SRBD1: variants seen among roughly 807,000 people sequenced by gnomAD.
SRBD1 encodes the protein S1 RNA binding domain 1.
In SRBD1, 88 loss-of-function variants were observed where a neutral mutation model predicts 115.3. The observed-to-expected ratio is 0.76, with a 90% CI of 0.64 to 0.91. The LOEUF (loss-of-function observed/expected upper bound fraction) is 0.91. Ranked by LOEUF, SRBD1 falls within the 40% of genes least tolerant of loss-of-function variation. The pLI is 0.00. For synonymous variants in SRBD1, 509 were observed against 407.7 expected (o/e 1.25, Z -2.99); for missense variants, 1,385 against 1,177.4 (o/e 1.18, Z -2.58).
chr2:45,470,615 A>T (rs956557954), intron 16 of SRBD1, among the ~76,000 whole-genome samples: 20 of 152,192 alleles, frequency 1.3e-4, no homozygotes, highest in African/African-American at 4.8e-4. Flanking sequence ...AGTAAATCCA[A>T]TGTATTTAAG....
intron 16 of SRBD1, among the ~76,000 whole-genome samples, chr2:45,473,820 T>G (rs1669723709): frequency 6.6e-6 from 1 of 152,216 alleles, no homozygotes; most frequent in Admixed American, 6.5e-5. Flanking sequence ...ATTCATAAGG[T>G]GTTTTCAGAA....
chr2:45,589,423 C>T (rs944667320), intron 4 of SRBD1, among the ~76,000 whole-genome samples: 1 of 152,156 alleles, frequency 6.6e-6, no homozygotes, highest in Non-Finnish European at 1.5e-5. Flanking sequence ...GAAGGAATAG[C>T]ATTTTGATTG....
chr2:45,599,818 A>G lies in SRBD1; in HGVS notation c.279T>C (p.Ile93=). 6.2e-7 allele frequency: 1 copy of G among 1,612,828 alleles called. No individual in the cohort carries two copies. The highest frequency in any genetic ancestry group is 2.2e-5 in the East Asian group (1 of 44,892). The part of the protein sequence containing the change: ...VKEELNSSVA[I]ADTALEDRKN... ...TTCTGTCTTCTAAAGCAGTATCAGC[A>G]ATAGCCACAGAGCTATTCTATCAAA... The change falls in exon 4 of 21, where the codon ATT becomes ATC. Residue 93 remains isoleucine (I), a synonymous_variant. Coordinates refer to ENST00000263736, the MANE Select transcript of SRBD1 (RefSeq NM_018079.5).
intron 7 of SRBD1, among the ~76,000 whole-genome samples, chr2:45,577,061 G>A (rs950675997): frequency 5.3e-5 from 8 of 152,006 alleles, no homozygotes; most frequent in African/African-American, 1.9e-4. Context: ...AGTACTTCAC[G>A]GAGTGTCCCA....
intron 19 of SRBD1, among the ~76,000 whole-genome samples, chr2:45,399,259 C>T (rs547025040): frequency 6.6e-6 from 1 of 152,262 alleles, no homozygotes; most frequent in South Asian, 2.1e-4. Flanking sequence ...AAAGCATACT[C>T]AGCTTTATTC....
At chr2:45,469,743 G>T (rs1451426756) in intron 16 of SRBD1, among the ~76,000 whole-genome samples, 2 of 152,154 alleles carry the variant, frequency 1.3e-5, no homozygotes, top group Non-Finnish European at 2.9e-5. Context: ...CCTAGTCAAG[G>T]TCAATTACTT....
chr2:45,481,947 G>C (rs1295563638), intron 15 of SRBD1, among the ~76,000 whole-genome samples: 1 of 152,144 alleles, frequency 6.6e-6, no homozygotes, highest in Non-Finnish European at 1.5e-5. Flanking sequence ...ATGTTTGCCA[G>C]GAGTTTGGGT....
chr2:45,471,708 T>C (rs562481781), intron 16 of SRBD1, among the ~76,000 whole-genome samples: 10 of 152,234 alleles, frequency 6.6e-5, no homozygotes, highest in African/African-American at 1.9e-4. Flanking sequence ...AATTGTTAGG[T>C]TGAAATAATA....
intron 14 of SRBD1, among the ~76,000 whole-genome samples, chr2:45,500,287 G>A (rs1222842462): frequency 6.6e-6 from 1 of 151,378 alleles, no homozygotes; most frequent in African/African-American, 2.4e-5. Context: ...CTCTGTGTGT[G>A]TGTGTGTGTG....
chr2:45,437,227 T>C (rs1200829269), intron 16 of SRBD1, among the ~76,000 whole-genome samples: 2 of 151,962 alleles, frequency 1.3e-5, no homozygotes, highest in African/African-American at 4.8e-5. Flanking sequence ...CTAAAGTTTA[T>C]ATAGAGAGCT....
intron 15 of SRBD1, among the ~76,000 whole-genome samples, chr2:45,480,391 G>C (rs910215212): frequency 3.9e-5 from 6 of 152,132 alleles, no homozygotes; most frequent in Non-Finnish European, 7.4e-5. Flanking sequence ...TGGGAGGAGG[G>C]CAAATGTCAA....
At chr2:45,482,535 GTACAGTA>G (rs1171428776) in intron 15 of SRBD1, among the ~76,000 whole-genome samples, 4 of 151,112 alleles carry the variant, frequency 2.6e-5, no homozygotes, top group African/African-American at 9.7e-5. Flanking sequence ...GAGATTTTAC[GTACAGTA>G]TGGTGAAATT....
intron 12 of SRBD1, among the ~76,000 whole-genome samples, chr2:45,548,039 T>C (rs983250952): frequency 6.6e-6 from 1 of 151,850 alleles, no homozygotes; most frequent in Non-Finnish European, 1.5e-5. Flanking sequence ...TATATTGCAT[T>C]ATAAAGAAAA....
At chr2:45,593,767 C>G (rs1419362170) in intron 4 of SRBD1, among the ~76,000 whole-genome samples, 2 of 152,196 alleles carry the variant, frequency 1.3e-5, no homozygotes, top group African/African-American at 2.4e-5. Context: ...TCTCCTTACC[C>G]TTACCTAGTT....
chr2:45,500,195 G>A (rs1161211156), intron 14 of SRBD1, among the ~76,000 whole-genome samples: 1 of 149,452 alleles, frequency 6.7e-6, no homozygotes, highest in African/African-American at 2.5e-5. Context: ...GTTTTCTTTG[G>A]AAAAATCTTT....
chr2:45,572,706 T>C (rs1003273065), intron 9 of SRBD1, among the ~76,000 whole-genome samples: 1 of 152,136 alleles, frequency 6.6e-6, no homozygotes, highest in African/African-American at 2.4e-5. Context: ...TTTTGCCCTA[T>C]GTAATTTAAA....
chr2:45,477,203 C>A, intron 15 of SRBD1, 128 bp from the exon 16 acceptor site: 1 of 666,270 alleles, frequency 1.5e-6, no homozygotes, highest in Non-Finnish European at 2.4e-6. Flanking sequence ...CTAAAAAAGG[C>A]CAACAATTTA....
intron 14 of SRBD1, among the ~76,000 whole-genome samples, chr2:45,537,116 T>TAA (rs1671786046): frequency 6.6e-6 from 1 of 152,146 alleles, no homozygotes; most frequent in Admixed American, 6.5e-5. Flanking sequence ...AGTTACAATC[T>TAA]GAAAAACATA....
intron 8 of SRBD1, among the ~76,000 whole-genome samples, 190 bp downstream of exon 8, chr2:45,574,437 A>T (rs961177625): frequency 1.3e-5 from 2 of 152,188 alleles, no homozygotes; most frequent in Non-Finnish European, 2.9e-5. Flanking sequence ...CCTGTCCAGA[A>T]TTCAATTAAA....
Sources: gnomAD v4.1 joint callset for allele counts (sites outside exome capture counted in the v4.1 genomes callset) on GRCh38, gnomAD v4.1.1 for gene constraint, MANE v1.5 for transcripts, NCBI Gene and HGNC (gene_info 2026-07-23, HGNC 2026-07-21) for gene names.